Variants in TSC1 observed in about 807,000 individuals in gnomAD.
TSC1 encodes the protein hamartin.
In TSC1, 20 loss-of-function variants were observed where a neutral mutation model predicts 124.3. The observed-to-expected ratio is 0.16, with a 90% confidence interval of 0.11 to 0.23. TSC1 has a LOEUF of 0.23. Among genes scored for constraint, TSC1 ranks in the 10% least tolerant of loss-of-function variants. The pLI, the probability that TSC1 is intolerant of heterozygous loss-of-function variation, is 1.00. For synonymous variants in TSC1, 493 were observed against 539.1 expected (o/e 0.91, Z 1.19); for missense variants, 1,124 against 1,448.5 (o/e 0.78, Z 3.64).
rs2131937035 is a variant in TSC1, at chr9:132,910,559, G to A, written c.1263+12C>T. On this transcript the variant is annotated intron_variant, in intron 12 of 22. Coordinates refer to ENST00000298552, the MANE Select transcript of TSC1 (RefSeq NM_000368.5). ...GCCTGGGCAGAGGGATAGCAGACGA[G>A]CTGGATCGCACCTTCCTGGGGGGTG... 6.2e-7 allele frequency: 1 copy of A among 1,614,046 alleles called. No individual in the cohort carries two copies. The highest frequency in any genetic ancestry group is 8.5e-7 in the Non-Finnish European group (1 of 1,180,048).
chr9:132,896,259 A>G lies in TSC1; in HGVS notation c.3471T>C (p.Asn1157=). ...SVGQLHIMDY[N]ETHHEHS Reference sequence around the variant, plus strand: ...CTTAGCTGTGTTCATGATGAGTCTCATTGTAGTCCATGATATGTAGCTGTC... The same window carrying G: ...CTTAGCTGTGTTCATGATGAGTCTCGTTGTAGTCCATGATATGTAGCTGTC... Residue 1157 remains asparagine (N), a synonymous_variant, in exon 23 of 23, where the codon AAT becomes AAC. Coordinates refer to ENST00000298552, the MANE Select transcript of TSC1 (RefSeq NM_000368.5). The surrounding 1 kb of genome is among the most constrained non-coding windows in gnomAD (Gnocchi z 4.5). The G allele has an allele frequency of 6.2e-7, 1 of 1,614,186 alleles. No individual in the cohort carries two copies. The highest frequency in any genetic ancestry group is 8.5e-7 in the Non-Finnish European group (1 of 1,180,038).
intron 1 of TSC1, among the ~76,000 whole-genome samples, chr9:132,939,817 T>C (rs1195325122): frequency 6.6e-6 from 1 of 152,152 alleles, no homozygotes; most frequent in Admixed American, 6.5e-5. Context: ...TCTCAAAATG[T>C]GGTCCTGGCA....
rs2131849203 is a variant in TSC1, at chr9:132,906,111, G to A, written c.1467C>T (p.Ile489=). 1 of 1,613,560 alleles carries A rather than the reference G, an allele frequency of 6.2e-7. No individual in the cohort carries two copies. The highest frequency in any genetic ancestry group is 8.5e-7 in the Non-Finnish European group (1 of 1,179,900). ...EAAISRELSE[I]TTAEAEPVVP... is the part of the protein sequence containing the mutation. ...CCACAGGCTCTGCCTCTGCTGTGGT[G>A]ATCTCAGAAAGTTCTCTAGATATTG... The change falls in exon 15 of 23, where the codon ATC becomes ATT. Residue 489 remains isoleucine, a synonymous_variant. Coordinates refer to ENST00000298552, the MANE Select transcript of TSC1 (RefSeq NM_000368.5). This position sits in a 1 kb window ranked among gnomAD's most constrained non-coding sequence, Gnocchi z 4.1.
chr9:132,910,329 A>G, intron 12 of TSC1: 1 of 600,510 alleles, frequency 1.7e-6, no homozygotes, highest in South Asian at 2.1e-5. Flanking sequence ...AAAAATCAAG[A>G]GAGTAGGTTT....
chr9:132,899,095 T>C (rs1254727024), intron 20 of TSC1: 1 of 152,006 alleles, frequency 6.6e-6, no homozygotes, highest in Non-Finnish European at 1.5e-5. Flanking sequence ...CCTGGCTAAT[T>C]TTTTGTATTT....
In TSC1 at chr9:132,906,592, G is replaced by T; in HGVS notation, c.1438+139C>A. Reference sequence around the variant, plus strand: ...AGTGGCATCACTTTACCTGGCATAGGTCCCAGACTAAACCACCCATCTTGT... The same window carrying T: ...AGTGGCATCACTTTACCTGGCATAGTTCCCAGACTAAACCACCCATCTTGT... On this transcript the variant is annotated intron_variant, in intron 14 of 22. Coordinates refer to ENST00000298552, the MANE Select transcript of TSC1 (RefSeq NM_000368.5). This position sits in a 1 kb window ranked among gnomAD's most constrained non-coding sequence, Gnocchi z 4.1. 1.3e-6 allele frequency: 1 copy of T among 741,414 alleles called. No homozygotes were observed. Among genetic ancestry groups the T allele is most frequent in the Non-Finnish European group, 2.3e-6 (1 of 427,434 alleles). The allele number at this position is 741,414 out of a possible 1,614,324, so 45.9% of individuals were successfully genotyped here.
In TSC1 at chr9:132,928,823, G is replaced by C. The variant is rs1189239082; in HGVS notation, c.50C>G (p.Pro17Arg). Residue 17 changes from proline to arginine, a missense_variant, in exon 3 of 23, where the codon CCC becomes CGC. Transcript: ENST00000298552. ...CACGTCGTCCCGCACACCCAGCATGGGGGAGTCCAGCATGGCAAGAAGCTC... is the reference window on the plus strand; with the variant it reads ...CACGTCGTCCCGCACACCCAGCATGCGGGAGTCCAGCATGGCAAGAAGCTC... ...VGELLAMLDSPMLGVRDDVTA... is the reference protein window; with the variant it reads ...VGELLAMLDSRMLGVRDDVTA... The C allele has an allele frequency of 1.9e-6, 3 of 1,614,048 alleles. No individual in the cohort carries two copies. In the African/African-American group the frequency reaches 4.0e-5, roughly 22 times the overall value.
At chr9:132,930,114 G>A (rs912951789) in intron 2 of TSC1, among the ~76,000 whole-genome samples, 1 of 152,070 alleles carries the variant, frequency 6.6e-6, no homozygotes, top group Non-Finnish European at 1.5e-5. Context: ...AATGTGCATC[G>A]AAACCACCTG....
chr9:132,938,919 A>G (rs535824517), intron 1 of TSC1, among the ~76,000 whole-genome samples: 3 of 152,334 alleles, frequency 2.0e-5, no homozygotes, highest in East Asian at 1.9e-4. Flanking sequence ...AGGTGACCGC[A>G]TATCAATTTG....
At chr9:132,915,650 T>C (rs1302384066) in intron 8 of TSC1, among the ~76,000 whole-genome samples, 3 of 152,252 alleles carry the variant, frequency 2.0e-5, no homozygotes, top group East Asian at 3.8e-4. Context: ...GCATTTTTTT[T>C]CCAAGTTTAC....
At position 132,897,551 on chromosome 9, in the gene TSC1, A is replaced by G; in HGVS notation, c.2685T>C (p.Val895=). 1 of 1,610,442 alleles carries G rather than the reference A, an allele frequency of 6.2e-7. No homozygotes were observed. Among genetic ancestry groups the G allele is most frequent in the East Asian group, 2.2e-5 (1 of 44,822 alleles). The change falls in exon 21 of 23, where the codon GTT becomes GTC. Residue 895 remains valine (V), a synonymous_variant. Transcript: ENST00000298552. ...TATCAAGCCTCTGAGTCTGCTGGAG[A>G]ACATGGCTTCTGTTTTTTTCTAGCT... ...RKELEKNRSH[V]LQQTQRLDTS...
chr9:132,938,399 T>A (rs914827035), intron 1 of TSC1, among the ~76,000 whole-genome samples: 3 of 152,248 alleles, frequency 2.0e-5, no homozygotes, highest in Non-Finnish European at 4.4e-5. Context: ...CCCTTTCATA[T>A]TTGACCCAAA....
chr9:132,905,524 T>C (rs1194843016), intron 15 of TSC1, 57 bp downstream of exon 15: 2 of 1,609,068 alleles, frequency 1.2e-6, no homozygotes, highest in Non-Finnish European at 1.7e-6. Context: ...TTACACTTTC[T>C]GTACTTCACA....
At chr9:132,932,247 A>G (rs1847241173) in intron 2 of TSC1, among the ~76,000 whole-genome samples, 1 of 152,236 alleles carries the variant, frequency 6.6e-6, no homozygotes. Context: ...TCTCCACTCC[A>G]AAATCCATCA....
intron 13 of TSC1, among the ~76,000 whole-genome samples, 166 bp downstream of exon 13, chr9:132,907,135 T>G (rs1845713940): frequency 6.6e-6 from 1 of 152,226 alleles, no homozygotes; most frequent in African/African-American, 2.4e-5. Flanking sequence ...CTGTTTTTGA[T>G]ATTATTAGGT....
At chr9:132,933,303 T>C (rs1256003321) in intron 2 of TSC1, among the ~76,000 whole-genome samples, 1 of 152,180 alleles carries the variant, frequency 6.6e-6, no homozygotes, top group Non-Finnish European at 1.5e-5. Flanking sequence ...TGACCTCATG[T>C]GATCCTCCCA....
At chr9:132,910,136 C>CAA (rs74489004) in intron 12 of TSC1, 828 of 200,962 alleles carry the variant, frequency 4.1e-3, no homozygotes, top group East Asian at 5.9e-3. Flanking sequence ...TCATCTCCAC[C>CAA]AAAAAAAAAA....
intron 1 of TSC1, among the ~76,000 whole-genome samples, chr9:132,936,509 A>G (rs1847464104): frequency 6.6e-6 from 1 of 152,248 alleles, no homozygotes; most frequent in South Asian, 2.1e-4. Context: ...GTTTGTGAAC[A>G]GCTATCATTT....
chr9:132,902,591 G>A lies in TSC1; in HGVS notation c.2391+14C>T, dbSNP rs757480492. On this transcript the variant is annotated intron_variant, in intron 18 of 22. Coordinates refer to ENST00000298552, the MANE Select transcript of TSC1 (RefSeq NM_000368.5). This position sits in a 1 kb window ranked among gnomAD's most constrained non-coding sequence, Gnocchi z 5.2. ...ATTCTCGCAGTTGGCTTTGCCTGGT[G>A]CTGCAGTTTATACCTGTAATTCCTG... The A allele has an allele frequency of 6.2e-6, 10 of 1,613,466 alleles. No individual in the cohort carries two copies. The African/African-American group carries it at 1.1e-4, about 17-fold the overall frequency.
Sources: gnomAD v4.1 joint callset for allele counts (sites outside exome capture counted in the v4.1 genomes callset) on GRCh38, gnomAD v4.1.1 for gene constraint, Gnocchi (gnomAD v3.1) non-coding constraint, MANE v1.5 for transcripts, NCBI Gene and HGNC (gene_info 2026-07-23, HGNC 2026-07-21) for gene names.